Variants in PRKCB observed in about 807,000 individuals in gnomAD.
PRKCB encodes the protein protein kinase C beta type.
A neutral mutation model predicts 81.5 loss-of-function variants in PRKCB; 13 were observed. The observed-to-expected ratio is 0.16, with a 90% CI of 0.10 to 0.25. PRKCB has a LOEUF of 0.25. Ranked by LOEUF, PRKCB falls within the 10% of genes least tolerant of loss-of-function variation. The probability of loss-of-function intolerance (pLI) is 1.00; values close to 1 mark genes in which losing one functional copy is unlikely to be tolerated. For synonymous variants in PRKCB, 335 were observed against 321.4 expected (o/e 1.04, Z -0.45); for missense variants, 509 against 875.7 (o/e 0.58, Z 5.29).
At chr16:24,007,786 C>G (rs1022085636) in intron 3 of PRKCB, among the ~76,000 whole-genome samples, 2 of 151,930 alleles carry the variant, frequency 1.3e-5, no homozygotes, top group African/African-American at 4.9e-5. Context: ...ATTTCTGGAG[C>G]CTGCAGGCCT....
intron 7 of PRKCB, among the ~76,000 whole-genome samples, chr16:24,104,032 C>T (rs997012706): frequency 5.3e-5 from 8 of 152,138 alleles, no homozygotes; most frequent in South Asian, 2.1e-4. Context: ...CATGAACTCC[C>T]GACCTCAGGT....
At chr16:24,120,202 G>C (rs890962502) in intron 8 of PRKCB, among the ~76,000 whole-genome samples, 5 of 152,182 alleles carry the variant, frequency 3.3e-5, no homozygotes, top group South Asian at 2.1e-4. Flanking sequence ...CGGGGGTTGC[G>C]GGGGGCGTCG....
intron 2 of PRKCB, chr16:23,893,513 CTGTT>C (rs746369332): frequency 1.1e-4 from 17 of 152,318 alleles, no homozygotes; most frequent in African/African-American, 2.4e-4. Context: ...AGTTCAATGA[CTGTT>C]TGTAAGTTCT....
Position 23,908,211 on chromosome 16 carries a change from G to T in PRKCB, c.205+70805G>T, listed in dbSNP as rs189314899. 1.8e-3 allele frequency among the ~76,000 whole-genome samples: 271 copies of T among 152,202 alleles called. 2 individuals carry two copies. The highest frequency in any genetic ancestry group is 0.014 in the Admixed American group (213 of 15,290). ...GATTGGTGAGAGCTGGGGCGGCGGG[G>T]ATTCTTTATGACAGTGCTGCAGAGG... is the stretch of plus-strand genomic sequence containing the variant. On this transcript the variant is annotated intron_variant, in intron 2 of 16. Coordinates refer to ENST00000643927, the MANE Select transcript of PRKCB (RefSeq NM_002738.7).
Position 24,009,202 on chromosome 16 carries a change from G to A in PRKCB, c.288+20612G>A, listed in dbSNP as rs181547393. 1.3e-3 allele frequency among the ~76,000 whole-genome samples: 196 copies of A among 152,178 alleles called. 1 individual carries two copies. The highest frequency in any genetic ancestry group is 4.5e-3 in the African/African-American group (186 of 41,518). On this transcript the variant is annotated intron_variant, in intron 3 of 16. Coordinates refer to ENST00000643927, the MANE Select transcript of PRKCB (RefSeq NM_002738.7). ...CAGGATGTTAATTTCAATTCTTTTG[G>A]GTAAATACCCAGAGGTGAGGGTGCT...
chr16:24,215,383 G>C lies in PRKCB; in HGVS notation c.*567G>C. 1.0e-6 allele frequency: 1 copy of C among 986,122 alleles called. No individual in the cohort carries two copies. The highest frequency in any genetic ancestry group is 1.2e-6 in the Non-Finnish European group (1 of 830,170). 61.1% of individuals were successfully genotyped at this position (986,122 alleles called of 1,614,324 possible). ...ATCAAAGTTCTAAAATTCCAAGAAT[G>C]TGCTTTTAGACGGTCTCAATCTAAA... On this transcript the variant is annotated 3_prime_UTR_variant, in exon 17 of 17. Transcript: ENST00000643927.
Position 23,875,502 on chromosome 16 carries a change from T to TCACACAC in PRKCB, c.205+38096_205+38097insCACACAC, listed in dbSNP as rs1209313131. Among the ~76,000 whole-genome samples the TCACACAC allele has an allele frequency of 8.9e-3, 195 of 21,908 alleles. 19 individuals are homozygous for TCACACAC. The highest frequency in any genetic ancestry group is 0.029 in the Middle Eastern group (1 of 34). 14.4% of individuals were successfully genotyped at this position (21,908 alleles called of 152,430 possible). On this transcript the variant is annotated intron_variant, in intron 2 of 16. Coordinates refer to ENST00000643927, the MANE Select transcript of PRKCB (RefSeq NM_002738.7). ...AAAGATATATATATATATATATATA[T>TCACACAC]ATATGATGTATATCACACACATATG...
chr16:24,123,630 G>A (rs565064688), intron 8 of PRKCB, among the ~76,000 whole-genome samples: 59 of 152,256 alleles, frequency 3.9e-4, no homozygotes, highest in African/African-American at 1.3e-3. Flanking sequence ...TCTGGTTATG[G>A]TTGAGACATG....
At chr16:23,886,857 G>A (rs1395392843) in intron 2 of PRKCB, among the ~76,000 whole-genome samples, 1 of 151,910 alleles carries the variant, frequency 6.6e-6, no homozygotes, top group East Asian at 1.9e-4. Context: ...CTCTTTCCTT[G>A]GTGCATGTCC....
chr16:23,892,633 G>A (rs1190033605), intron 2 of PRKCB, among the ~76,000 whole-genome samples: 1 of 152,116 alleles, frequency 6.6e-6, no homozygotes, highest in Non-Finnish European at 1.5e-5. Context: ...GTAGGCAGAT[G>A]GTCTTATTTA....
At chr16:23,859,851 T>G (rs1962632930) in intron 2 of PRKCB, among the ~76,000 whole-genome samples, 1 of 145,960 alleles carries the variant, frequency 6.9e-6, no homozygotes, top group Non-Finnish European at 1.5e-5. Context: ...CTCAAGGGGG[T>G]GAGGTTGACA....
At chr16:23,852,389 C>G (rs2141083381) in intron 2 of PRKCB, among the ~76,000 whole-genome samples, 1 of 151,680 alleles carries the variant, frequency 6.6e-6, no homozygotes, top group Non-Finnish European at 1.5e-5. Context: ...GATTTTTATC[C>G]TTTATTTTGT....
At chr16:24,091,967 G>A (rs1966382341) in intron 5 of PRKCB, among the ~76,000 whole-genome samples, 1 of 152,146 alleles carries the variant, frequency 6.6e-6, no homozygotes, top group African/African-American at 2.4e-5. Flanking sequence ...GGTTTAGAGG[G>A]TAATTCTTCC....
chr16:23,917,750 C>T (rs1016891906), intron 2 of PRKCB, among the ~76,000 whole-genome samples: 1 of 152,180 alleles, frequency 6.6e-6, no homozygotes, highest in Admixed American at 6.5e-5. Context: ...AAGGTTTCAT[C>T]GCAGGCCCAG....
At chr16:24,181,351 C>T (rs933491127) in intron 13 of PRKCB, among the ~76,000 whole-genome samples, 2 of 151,994 alleles carry the variant, frequency 1.3e-5, no homozygotes, top group East Asian at 1.9e-4. Flanking sequence ...GACAATAGCC[C>T]GTGATTTATT....
chr16:24,107,339 A>G (rs1425962672), intron 7 of PRKCB, among the ~76,000 whole-genome samples: 1 of 152,122 alleles, frequency 6.6e-6, no homozygotes. Flanking sequence ...CACACATCCT[A>G]TTGTGCTTAT....
At chr16:24,014,714 G>A (rs994946146) in intron 3 of PRKCB, among the ~76,000 whole-genome samples, 2 of 152,222 alleles carry the variant, frequency 1.3e-5, no homozygotes, top group African/African-American at 2.4e-5. Flanking sequence ...TGATGTGCCA[G>A]GCACTGTGCT....
Position 23,902,800 on chromosome 16 carries a change from T to TTCCCTC in PRKCB, c.205+65394_205+65395insTCCCTC, listed in dbSNP as rs1963503124. On this transcript the variant is annotated intron_variant, in intron 2 of 16. Transcript: ENST00000643927. ...TTCCTTCCTCCCTCCCTCCCTCCCT[T>TTCCCTC]CCTTCCTTCCTTCCTTTTTTTGAGA... 1.5e-4 allele frequency among the ~76,000 whole-genome samples: 2 copies of TTCCCTC among 13,712 alleles called. 1 individual carries two copies. The highest frequency in any genetic ancestry group is 5.5e-4 in the African/African-American group (2 of 3,636). 9.0% of individuals were successfully genotyped at this position (13,712 alleles called of 152,430 possible).
At chr16:23,896,099 C>A (rs1277095619) in intron 2 of PRKCB, among the ~76,000 whole-genome samples, 4 of 147,746 alleles carry the variant, frequency 2.7e-5, no homozygotes, top group African/African-American at 5.0e-5. Context: ...TTGCAAGACA[C>A]AGCATTTGGC....
Sources: allele counts gnomAD v4.1 joint callset (sites outside exome capture counted in the v4.1 genomes callset), GRCh38; gene constraint gnomAD v4.1.1; transcripts MANE v1.5; gene names NCBI Gene and HGNC (gene_info 2026-07-23, HGNC 2026-07-21).